Variants in BARD1 observed in about 807,000 individuals in gnomAD.
BARD1 encodes BRCA1-associated RING domain protein 1.
Under a neutral mutation model 77.0 loss-of-function variants are expected in BARD1, and 73 were observed. That is an observed-to-expected ratio of 0.95 (90% CI 0.79 to 1.15). BARD1 has a LOEUF of 1.15. BARD1 is among the 50% of genes most tolerant of loss of function. BARD1 has a pLI of 0.00. For missense variants in BARD1, 993 were observed against 938.8 expected, an observed-to-expected ratio of 1.06 and a Z score of -0.75; for synonymous variants, 384 against 338.0, an observed-to-expected ratio of 1.14 and a Z score of -1.49.
intron 2 of BARD1, among the ~76,000 whole-genome samples, chr2:214,796,354 G>A (rs551676299): frequency 2.1e-4 from 32 of 152,288 alleles, no homozygotes; most frequent in Non-Finnish European, 4.1e-4. Flanking sequence ...TGGAAAAAGA[G>A]GCTCTAGACG....
intron 10 of BARD1, 87 bp downstream of exon 10, chr2:214,730,324 T>A: frequency 8.8e-7 from 1 of 1,131,536 alleles, no homozygotes; most frequent in Non-Finnish European, 1.3e-6. Flanking sequence ...CACCTGTAGC[T>A]GTTGAAAGGG....
Position 214,792,458 on chromosome 2 carries a change from T to TAAAAAAAAA in BARD1, c.216-22_216-14dup, listed in dbSNP as rs56130510. ...ACTTACACAATTACTTTAAAATAAT[T>TAAAAAAAAA]AAAAAAAAAAAAAAAAGCAACCCAT... is the stretch of plus-strand genomic sequence containing the variant. On this transcript the variant is annotated splice_polypyrimidine_tract_variant and intron_variant, in intron 2 of 10. Transcript: ENST00000260947. 3 of 1,400,762 alleles carry TAAAAAAAAA rather than the reference T, an allele frequency of 2.1e-6. No homozygotes were observed. Among genetic ancestry groups the TAAAAAAAAA allele is most frequent in the Non-Finnish European group, 1.9e-6 (2 of 1,062,620 alleles). 86.8% of individuals were successfully genotyped at this position (1,400,762 alleles called of 1,614,324 possible).
rs1695578203 is a variant in BARD1, at chr2:214,792,542, T to TC, written c.216-98_216-97insG. The TC allele has an allele frequency of 4.1e-6, 5 of 1,210,480 alleles. No individual in the cohort carries two copies. In the Admixed American group the frequency reaches 8.2e-5, roughly 20 times the overall value. 75.0% of individuals were successfully genotyped at this position (1,210,480 alleles called of 1,614,324 possible). ...TGAACAGAAATAAATGGAGCAGAGG[T>TC]TATTCTAACATACAATGGTCAATTG... On this transcript the variant is annotated intron_variant, in intron 2 of 10. Transcript: ENST00000260947.
chr2:214,781,202 T>C lies in BARD1; in HGVS notation c.672A>G (p.Lys224=), dbSNP rs1574820067. 2 of 1,590,568 alleles carry C rather than the reference T, an allele frequency of 1.3e-6. No homozygotes were observed. Among genetic ancestry groups the C allele is most frequent in the Non-Finnish European group, 1.7e-6 (2 of 1,174,200 alleles). Residue 224 remains lysine, a synonymous_variant, in exon 4 of 11, where the codon AAA becomes AAG. Transcript: ENST00000260947. Reference sequence around the variant, plus strand: ...CTTTGGAGTCAAATTCACCATCTTCTTTTTCTGCCTCTAAATTCCATTTTT... The same window carrying C: ...CTTTGGAGTCAAATTCACCATCTTCCTTTTCTGCCTCTAAATTCCATTTTT... The part of the protein sequence containing the change: ...INQKWNLEAE[K]EDGEFDSKEE...
At chr2:214,784,634 C>T (rs1368133389) in intron 3 of BARD1, among the ~76,000 whole-genome samples, 4 of 152,132 alleles carry the variant, frequency 2.6e-5, no homozygotes, top group African/African-American at 9.7e-5. Context: ...ACCCAAATGC[C>T]CATCAATGAC....
intron 4 of BARD1, among the ~76,000 whole-genome samples, chr2:214,776,046 T>G (rs188773506): frequency 6.6e-6 from 1 of 152,342 alleles, no homozygotes; most frequent in Admixed American, 6.5e-5. Context: ...ACCTTTGTTA[T>G]GTTCTAAGCA....
Position 214,809,570 on chromosome 2 carries a change from C to G in BARD1, c.-1G>C. The G allele has an allele frequency of 6.5e-7, 1 of 1,546,680 alleles. No homozygotes were observed. The highest frequency in any genetic ancestry group is 8.7e-7 in the Non-Finnish European group (1 of 1,149,076). On this transcript the variant is annotated 5_prime_UTR_variant, in exon 1 of 11. Coordinates refer to ENST00000260947, the MANE Select transcript of BARD1 (RefSeq NM_000465.4). ...TCCTCGGCTGCCGATTATCCGGCAT[C>G]GTCCCGCCTTCGGATGAAAGGCTCC... is the stretch of plus-strand genomic sequence containing the variant.
chr2:214,781,592 T>A (rs549430182), intron 3 of BARD1, 83 bp from the exon 4 acceptor site: 3 of 1,055,116 alleles, frequency 2.8e-6, no homozygotes, highest in East Asian at 2.4e-5. Flanking sequence ...TGTTTACAGT[T>A]CCCCTAAAGT....
chr2:214,740,076 T>C (rs1408573373), intron 9 of BARD1, among the ~76,000 whole-genome samples: 1 of 151,966 alleles, frequency 6.6e-6, no homozygotes, highest in Non-Finnish European at 1.5e-5. Context: ...TATATAGGTA[T>C]GGTTAAAAAC....
intron 6 of BARD1, among the ~76,000 whole-genome samples, chr2:214,766,804 T>C (rs1458174669): frequency 6.6e-6 from 1 of 152,170 alleles, no homozygotes; most frequent in African/African-American, 2.4e-5. Flanking sequence ...ATTATCGTAG[T>C]GTTATTTTTT....
intron 1 of BARD1, among the ~76,000 whole-genome samples, chr2:214,807,694 C>T (rs1696337410): frequency 6.6e-6 from 1 of 151,392 alleles, no homozygotes; most frequent in Non-Finnish European, 1.5e-5. Flanking sequence ...TGAATCCTCA[C>T]AAGAAAATAA....
At chr2:214,753,930 C>T (rs1693575815) in intron 6 of BARD1, among the ~76,000 whole-genome samples, 1 of 152,122 alleles carries the variant, frequency 6.6e-6, no homozygotes, top group South Asian at 2.1e-4. Flanking sequence ...TGGCAACAGT[C>T]TTTCTCCAGC....
chr2:214,774,135 C>T (rs1694638601), intron 4 of BARD1, among the ~76,000 whole-genome samples: 1 of 152,174 alleles, frequency 6.6e-6, no homozygotes, highest in South Asian at 2.1e-4. Flanking sequence ...TTCTAGTTAT[C>T]TTGCTATTTC....
chr2:214,795,889 C>A (rs1427166916), intron 2 of BARD1, among the ~76,000 whole-genome samples: 1 of 152,130 alleles, frequency 6.6e-6, no homozygotes, highest in Non-Finnish European at 1.5e-5. Flanking sequence ...ATCTGGTAGG[C>A]AACAGGTTCC....
chr2:214,737,111 A>T (rs1174146455), intron 9 of BARD1, among the ~76,000 whole-genome samples: 1 of 152,172 alleles, frequency 6.6e-6, no homozygotes, highest in Non-Finnish European at 1.5e-5. Flanking sequence ...TACTTCAAGG[A>T]TTGCGACTCA....
intron 4 of BARD1, among the ~76,000 whole-genome samples, chr2:214,769,632 T>C (rs1314234746): frequency 6.6e-6 from 1 of 152,060 alleles, no homozygotes; most frequent in Non-Finnish European, 1.5e-5. Context: ...TCCCAGCTAC[T>C]TGGGAGGCTG....
intron 6 of BARD1, among the ~76,000 whole-genome samples, chr2:214,761,017 A>AC (rs1057310153): frequency 2.0e-5 from 3 of 151,016 alleles, no homozygotes; most frequent in Non-Finnish European, 4.4e-5. Flanking sequence ...CTCGGGATCC[A>AC]CCCGCCTTGG....
At chr2:214,784,875 C>T (rs951733849) in intron 3 of BARD1, among the ~76,000 whole-genome samples, 5 of 151,852 alleles carry the variant, frequency 3.3e-5, no homozygotes, top group African/African-American at 7.3e-5. Context: ...GGGGCCTGTC[C>T]GATGGAGCGG....
chr2:214,777,275 T>G (rs908683036), intron 4 of BARD1, among the ~76,000 whole-genome samples: 1 of 152,114 alleles, frequency 6.6e-6, no homozygotes, highest in Non-Finnish European at 1.5e-5. Context: ...GTGGTAGCTA[T>G]GGAAAGGTTA....
Sources: gnomAD v4.1 joint callset for allele counts (sites outside exome capture counted in the v4.1 genomes callset) on GRCh38, gnomAD v4.1.1 for gene constraint, MANE v1.5 for transcripts, NCBI Gene and HGNC (gene_info 2026-07-23, HGNC 2026-07-21) for gene names.